The following SYN3 variants were observed in gnomAD, a reference collection of about 807,000 sequenced individuals.
SYN3 encodes synapsin-3.
SYN3 carries 35 observed loss-of-function variants against 65.8 expected under a neutral mutation model. That is an observed-to-expected ratio of 0.53 (90% CI 0.41 to 0.70). SYN3 has a LOEUF of 0.70. SYN3 is among the 30% of genes least tolerant of loss of function. The pLI is 0.00. For synonymous variants in SYN3, 270 were observed against 292.9 expected (o/e 0.92, Z 0.80); for missense variants, 680 against 749.0 (o/e 0.91, Z 1.08).
At chr22:32,858,207 A>G (rs1012655248) in intron 6 of SYN3, 2 of 1,597,250 alleles carry the variant, frequency 1.3e-6, no homozygotes, top group Admixed American at 1.7e-5. Flanking sequence ...ATCAGCTCCC[A>G]ATGCACTGGG....
At chr22:32,666,535 TC>T (rs1489670994) in intron 6 of SYN3, among the ~76,000 whole-genome samples, 1 of 152,158 alleles carries the variant, frequency 6.6e-6, no homozygotes, top group Non-Finnish European at 1.5e-5. Context: ...GAATGCTCTT[TC>T]CCCAGGAATC....
intron 12 of SYN3, 58 bp downstream of exon 12, chr22:32,527,860 G>T: frequency 1.4e-6 from 2 of 1,427,174 alleles, no homozygotes; most frequent in Non-Finnish European, 1.9e-6. Flanking sequence ...TGGATCCCTC[G>T]GTGCATTTCA....
At chr22:32,892,721 A>G (rs1034732710) in intron 4 of SYN3, among the ~76,000 whole-genome samples, 6 of 152,190 alleles carry the variant, frequency 3.9e-5, no homozygotes, top group African/African-American at 1.4e-4. Context: ...CCCATCTCCC[A>G]TCTCCAGTCT....
chr22:32,842,405 A>G (rs988437042), intron 6 of SYN3, among the ~76,000 whole-genome samples: 1 of 152,090 alleles, frequency 6.6e-6, no homozygotes, highest in East Asian at 1.9e-4. Context: ...GACATCATCA[A>G]AGCATCCCCA....
At chr22:32,726,374 A>C (rs1231135492) in intron 6 of SYN3, among the ~76,000 whole-genome samples, 1 of 152,262 alleles carries the variant, frequency 6.6e-6, no homozygotes, top group South Asian at 2.1e-4. Flanking sequence ...ATCTCCTGAC[A>C]TCATGATCTG....
At chr22:32,981,923 T>C (rs2052386144) in intron 2 of SYN3, among the ~76,000 whole-genome samples, 1 of 152,230 alleles carries the variant, frequency 6.6e-6, no homozygotes, top group African/African-American at 2.4e-5. Flanking sequence ...TGGTTTATCT[T>C]GGTATCCTCC....
intron 6 of SYN3, among the ~76,000 whole-genome samples, chr22:32,814,876 A>G (rs535839732): frequency 6.6e-6 from 1 of 152,224 alleles, no homozygotes; most frequent in South Asian, 2.1e-4. Context: ...GAATTTTCCC[A>G]TAGTCATGTT....
intron 6 of SYN3, among the ~76,000 whole-genome samples, chr22:32,661,516 TTTTC>T (rs1330648504): frequency 1.6e-4 from 24 of 152,208 alleles, no homozygotes; most frequent in Non-Finnish European, 3.4e-4. Flanking sequence ...ACTTTCTTTT[TTTTC>T]TTTCTTTCTT....
intron 6 of SYN3, among the ~76,000 whole-genome samples, chr22:32,704,529 T>C (rs1310653605): frequency 6.6e-6 from 1 of 152,222 alleles, no homozygotes; most frequent in Non-Finnish European, 1.5e-5. Context: ...AATGAACATA[T>C]GCATGCACGT....
chr22:33,019,226 G>A (rs761384263), intron 1 of SYN3, among the ~76,000 whole-genome samples: 1 of 152,196 alleles, frequency 6.6e-6, no homozygotes, highest in Admixed American at 6.5e-5. Flanking sequence ...CTTTGGCCAT[G>A]CAGGATGAAA....
intron 4 of SYN3, among the ~76,000 whole-genome samples, chr22:32,874,089 G>A (rs754863874): frequency 4.6e-5 from 7 of 152,106 alleles, no homozygotes; most frequent in Admixed American, 1.3e-4. Context: ...AGCCGAGATC[G>A]TGTCACTGCC....
intron 6 of SYN3, among the ~76,000 whole-genome samples, chr22:32,625,535 G>T (rs2059653942): frequency 6.6e-6 from 1 of 152,196 alleles, no homozygotes; most frequent in South Asian, 2.1e-4. Flanking sequence ...TGGAAAAGTT[G>T]TGGTCCAGAC....
intron 6 of SYN3, among the ~76,000 whole-genome samples, chr22:32,619,863 G>C (rs1000950992): frequency 6.6e-6 from 1 of 152,336 alleles, no homozygotes; most frequent in South Asian, 2.1e-4. Flanking sequence ...ACTAGCCTGG[G>C]TTAGTTGGCT....
intron 4 of SYN3, 54 bp from the exon 5 acceptor site, chr22:32,869,179 G>T: frequency 1.3e-6 from 2 of 1,580,214 alleles, no homozygotes; most frequent in Non-Finnish European, 1.7e-6. Context: ...AAACACCAGG[G>T]CATCCGGCCA....
chr22:33,004,970 T>G (rs537616826), intron 2 of SYN3, among the ~76,000 whole-genome samples: 1 of 152,116 alleles, frequency 6.6e-6, no homozygotes, highest in Admixed American at 6.5e-5. Flanking sequence ...TACCCCCACG[T>G]TGGTGTTCTC....
chr22:32,795,057 G>A (rs1242370904), intron 6 of SYN3, among the ~76,000 whole-genome samples: 1 of 152,160 alleles, frequency 6.6e-6, no homozygotes, highest in Non-Finnish European at 1.5e-5. Flanking sequence ...ATGTGAAGAG[G>A]GCCTCCTCCA....
chr22:32,771,040 T>A (rs1207572182), intron 6 of SYN3, among the ~76,000 whole-genome samples: 1 of 152,112 alleles, frequency 6.6e-6, no homozygotes, highest in African/African-American at 2.4e-5. Flanking sequence ...GTGTTTTTCC[T>A]AATGCTCTCC....
At chr22:32,784,777 A>G (rs1319917566) in intron 6 of SYN3, 1 of 152,232 alleles carries the variant, frequency 6.6e-6, no homozygotes, top group Non-Finnish European at 1.5e-5. Flanking sequence ...CTGGAAGAGA[A>G]CAGCATATCG....
intron 6 of SYN3, among the ~76,000 whole-genome samples, chr22:32,664,485 C>CCT (rs1842049744): frequency 6.7e-6 from 1 of 150,352 alleles, no homozygotes; most frequent in Non-Finnish European, 1.5e-5. Context: ...TTTTGGGGAA[C>CCT]AGGAGGTGTC....
Sources: gnomAD v4.1 joint callset for allele counts (sites outside exome capture counted in the v4.1 genomes callset) on GRCh38, gnomAD v4.1.1 for gene constraint, MANE v1.5 for transcripts, NCBI Gene and HGNC (gene_info 2026-07-23, HGNC 2026-07-21) for gene names.